Variants in ST18 observed in about 807,000 individuals in gnomAD.
The protein encoded by ST18 is suppression of tumorigenicity 18 protein.
In ST18, 50 loss-of-function variants were observed where a neutral mutation model predicts 110.0. That is an observed-to-expected ratio of 0.45 (90% CI 0.36 to 0.58). ST18 has a LOEUF of 0.58. Ranked by LOEUF, ST18 falls within the 20% of genes least tolerant of loss-of-function variation. The pLI is 0.00. For synonymous variants in ST18, 461 were observed against 452.4 expected (o/e 1.02, Z -0.24); for missense variants, 1,306 against 1,280.1 (o/e 1.02, Z -0.31).
intron 2 of ST18, among the ~76,000 whole-genome samples, chr8:52,280,498 A>G (rs938085440): frequency 6.6e-6 from 1 of 152,074 alleles, no homozygotes; most frequent in African/African-American, 2.4e-5. Flanking sequence ...CTAGACCTTA[A>G]GAACAAAAAG....
chr8:52,140,675 T>C (rs1291195312), intron 17 of ST18, among the ~76,000 whole-genome samples: 3 of 152,138 alleles, frequency 2.0e-5, no homozygotes, highest in Admixed American at 2.0e-4. Context: ...AATCATTCAA[T>C]ATCTTTTTGA....
intron 8 of ST18, among the ~76,000 whole-genome samples, chr8:52,200,903 G>C (rs988066014): frequency 6.6e-6 from 1 of 152,144 alleles, no homozygotes; most frequent in Non-Finnish European, 1.5e-5. Context: ...ATACTCCTCA[G>C]GGATCCATTT....
At chr8:52,283,830 G>A (rs62499815) in intron 2 of ST18, among the ~76,000 whole-genome samples, 18,210 of 152,222 alleles carry the variant, frequency 0.12, 1,469 homozygotes, top group Middle Eastern at 0.24. Context: ...AATTTCTTTG[G>A]TAAAATTTCG....
At chr8:52,344,912 T>TG (rs1228900290) in intron 2 of ST18, among the ~76,000 whole-genome samples, 1 of 152,308 alleles carries the variant, frequency 6.6e-6, no homozygotes, top group East Asian at 1.9e-4. Context: ...AAGGTATGTA[T>TG]TATTGTTATT....
At chr8:52,206,206 A>G (rs1479517936) in intron 8 of ST18, among the ~76,000 whole-genome samples, 3 of 152,038 alleles carry the variant, frequency 2.0e-5, no homozygotes, top group Non-Finnish European at 1.5e-5. Flanking sequence ...TGACAACCTT[A>G]TGGGCTTGCT....
intron 10 of ST18, among the ~76,000 whole-genome samples, chr8:52,168,175 G>T (rs1203897263): frequency 6.6e-6 from 1 of 150,422 alleles, no homozygotes; most frequent in Admixed American, 6.7e-5. Flanking sequence ...ATGCACAGGA[G>T]CCCTCAGAGA....
chr8:52,176,326 G>A (rs1275612887), intron 9 of ST18, among the ~76,000 whole-genome samples: 1 of 152,086 alleles, frequency 6.6e-6, no homozygotes, highest in African/African-American at 2.4e-5. Flanking sequence ...CTGGCCAATT[G>A]TCAGGTAACT....
At chr8:52,248,078 A>T (rs2093997435) in intron 2 of ST18, among the ~76,000 whole-genome samples, 1 of 151,912 alleles carries the variant, frequency 6.6e-6, no homozygotes, top group Non-Finnish European at 1.5e-5. Flanking sequence ...ATGAAAAAAA[A>T]TGGTAAAGAA....
At position 52,170,031 on chromosome 8, in the gene ST18, A is replaced by G. The variant is rs182437318; in HGVS notation, c.1069+1761T>C. On this transcript the variant is annotated intron_variant, in intron 10 of 25. Coordinates refer to ENST00000689386, the MANE Select transcript of ST18 (RefSeq NM_001352837.2). ...ATCAAATACTTTAAGATGTGGCTCAAATAATTAAGTTTCTGTAAATACTAG... is the reference window on the plus strand; with the variant it reads ...ATCAAATACTTTAAGATGTGGCTCAGATAATTAAGTTTCTGTAAATACTAG... Among the ~76,000 whole-genome samples, 47 of 152,372 alleles carry G rather than the reference A, an allele frequency of 3.1e-4. No individual in the cohort carries two copies. In the East Asian group the frequency reaches 8.1e-3, roughly 26 times the overall value.
intron 2 of ST18, among the ~76,000 whole-genome samples, chr8:52,396,381 G>T (rs935857140): frequency 6.6e-6 from 1 of 151,752 alleles, no homozygotes; most frequent in Non-Finnish European, 1.5e-5. Flanking sequence ...TTCTTTCTGT[G>T]TCTGGCTTAC....
chr8:52,290,780 A>T (rs554796855), intron 2 of ST18, among the ~76,000 whole-genome samples: 1 of 152,310 alleles, frequency 6.6e-6, no homozygotes. Flanking sequence ...AAGCGAGGTC[A>T]GGTCTGGTTT....
At chr8:52,238,411 C>T (rs1363465898) in intron 2 of ST18, among the ~76,000 whole-genome samples, 4 of 152,142 alleles carry the variant, frequency 2.6e-5, no homozygotes, top group African/African-American at 9.7e-5. Flanking sequence ...TTAGTGCAAC[C>T]TCTATAGAAA....
chr8:52,266,425 GAGCAAACCCTTGA>G (rs1214521357), intron 2 of ST18, among the ~76,000 whole-genome samples: 2 of 152,228 alleles, frequency 1.3e-5, no homozygotes, highest in African/African-American at 4.8e-5. Context: ...ATGGTAACAG[GAGCAAACCCTTGA>G]AGAAGTGGAC....
intron 17 of ST18, among the ~76,000 whole-genome samples, chr8:52,139,647 C>T (rs541485521): frequency 1.4e-4 from 21 of 152,270 alleles, no homozygotes; most frequent in African/African-American, 4.1e-4. Flanking sequence ...TGAGCCACCG[C>T]GCCCGGCCTA....
At chr8:52,357,699 AT>A (rs1766671720) in intron 2 of ST18, among the ~76,000 whole-genome samples, 2 of 93,422 alleles carry the variant, frequency 2.1e-5, no homozygotes, top group African/African-American at 7.8e-5. Context: ...ATATATATAT[AT>A]ATATATATAT....
intron 2 of ST18, among the ~76,000 whole-genome samples, chr8:52,271,608 GT>G (rs1377942434): frequency 6.6e-6 from 1 of 152,162 alleles, no homozygotes; most frequent in Non-Finnish European, 1.5e-5. Flanking sequence ...TAGTTTCTCT[GT>G]TCTCCACCCA....
At chr8:52,157,852 G>A (rs2060414799) in intron 15 of ST18, among the ~76,000 whole-genome samples, 1 of 152,242 alleles carries the variant, frequency 6.6e-6, no homozygotes, top group Non-Finnish European at 1.5e-5. Context: ...ACCATGCCGG[G>A]GACCGGCACA....
chr8:52,402,761 C>T (rs1843184923), intron 2 of ST18, among the ~76,000 whole-genome samples: 1 of 152,152 alleles, frequency 6.6e-6, no homozygotes, highest in African/African-American at 2.4e-5. Flanking sequence ...GCAGGTGCCA[C>T]TTCTGGAGTC....
At chr8:52,293,674 C>T (rs1311344395) in intron 2 of ST18, among the ~76,000 whole-genome samples, 1 of 152,062 alleles carries the variant, frequency 6.6e-6, no homozygotes, top group Non-Finnish European at 1.5e-5. Context: ...TTTATTTTCT[C>T]TCTTTTTTCT....
Sources: allele counts gnomAD v4.1 joint callset (sites outside exome capture counted in the v4.1 genomes callset), GRCh38; gene constraint gnomAD v4.1.1; transcripts MANE v1.5; gene names NCBI Gene and HGNC (gene_info 2026-07-23, HGNC 2026-07-21).